Variants in BCORL1 observed in about 807,000 individuals in gnomAD.
The protein encoded by BCORL1 is BCL6 corepressor like 1.
BCORL1 carries 7 observed loss-of-function variants against 87.6 expected under a neutral mutation model. The ratio of observed to expected loss-of-function variants is 0.08; its 90% CI spans 0.05 to 0.15. BCORL1 has a LOEUF of 0.15. BCORL1 is among the 10% of genes least tolerant of loss of function. The pLI is 1.00. For synonymous variants in BCORL1, 591 were observed against 634.4 expected (o/e 0.93, Z 1.03); for missense variants, 1,215 against 1,499.7 (o/e 0.81, Z 3.13).
At chrX:130,024,778 G>T (rs1319672913) in intron 6 of BCORL1, among the ~76,000 whole-genome samples, 2 of 111,598 alleles carry the variant, frequency 1.8e-5, no homozygotes, top group Non-Finnish European at 3.8e-5. Flanking sequence ...CCTCAAAACA[G>T]CCCTGTGAGG....
intron 11 of BCORL1, among the ~76,000 whole-genome samples, chrX:130,050,074 AT>A (rs1203731670): frequency 2.8e-5 from 3 of 108,503 alleles, no homozygotes; most frequent in East Asian, 2.9e-4. Context: ...GCCAGATCAG[AT>A]TTTTTTTTTC....
chrX:130,043,767 TATATATATATATATATA>T (rs1462565084), intron 11 of BCORL1, among the ~76,000 whole-genome samples: 8 of 18,337 alleles, frequency 4.4e-4, no homozygotes, highest in South Asian at 3.9e-3. Flanking sequence ...TATATATATA[TATATATATATATATATA>T]TTTTTTTTTT....
At chrX:130,007,632 C>T (rs1012347940) in intron 2 of BCORL1, among the ~76,000 whole-genome samples, 10 of 111,697 alleles carry the variant, frequency 9.0e-5, no homozygotes. Context: ...CCCGTCTCTA[C>T]TAAAAATACA....
intron 8 of BCORL1, among the ~76,000 whole-genome samples, chrX:130,029,937 A>G (rs1405832347): frequency 9.0e-6 from 1 of 111,625 alleles, no homozygotes; most frequent in Non-Finnish European, 1.9e-5. Context: ...TTACAGGCGG[A>G]AGCCATCACG....
chrX:130,046,825 T>C (rs1460380669), intron 11 of BCORL1, among the ~76,000 whole-genome samples: 1 of 110,655 alleles, frequency 9.0e-6, no homozygotes, highest in Non-Finnish European at 1.9e-5. Flanking sequence ...GGATTACAGG[T>C]GTGAGCCACC....
intron 11 of BCORL1, among the ~76,000 whole-genome samples, chrX:130,050,016 T>A (rs1234995524): frequency 9.0e-6 from 1 of 111,525 alleles, no homozygotes; most frequent in Non-Finnish European, 1.9e-5. Context: ...CGTGTGTCCC[T>A]GTTCCCTCCA....
rs1186630415 is a variant in BCORL1, at chrX:130,011,002, TAAAAAAAAAAAAAAAAAAAA to T, written c.87-1562_87-1543del. Among the ~76,000 whole-genome samples, 18 of 19,096 alleles carry T rather than the reference TAAAAAAAAAAAAAAAAAAAA, an allele frequency of 9.4e-4. No individual in the cohort carries two copies. The East Asian group carries it at 0.011, about 12-fold the overall frequency. The allele number at this position is 19,096 out of a possible 115,157, so 16.6% of individuals were successfully genotyped here. A position where few individuals can be genotyped will look rare whatever the true frequency, so the allele number is the denominator to read the frequency against. ...CTGGGTGACAGAGCGAGATTCAATC[TAAAAAAAAAAAAAAAAAAAA>T]AAAAAAAAAAAAAGAGGGAAAAAAG... On this transcript the variant is annotated intron_variant, in intron 2 of 13. Coordinates refer to ENST00000540052, the MANE Select transcript of BCORL1 (RefSeq NM_001379451.1).
intron 1 of BCORL1, among the ~76,000 whole-genome samples, chrX:129,988,456 C>A (rs536235735): frequency 4.6e-5 from 5 of 108,595 alleles, no homozygotes; most frequent in African/African-American, 1.3e-4. Flanking sequence ...AAAAAAGGAT[C>A]TTTTTTTTAA....
chrX:130,046,888 T>G (rs1931787276), intron 11 of BCORL1, among the ~76,000 whole-genome samples: 1 of 109,211 alleles, frequency 9.2e-6, no homozygotes, highest in Non-Finnish European at 1.9e-5. Context: ...CCCACACCCA[T>G]TAAACAGCTA....
chrX:130,037,277 T>C, intron 9 of BCORL1, 90 bp from the exon 10 acceptor site: 1 of 966,613 alleles, frequency 1.0e-6, no homozygotes, highest in Non-Finnish European at 1.5e-6. Context: ...CTGAGACTCC[T>C]CAGATATTTG....
intron 7 of BCORL1, among the ~76,000 whole-genome samples, chrX:130,025,686 G>A (rs1930205495): frequency 9.0e-6 from 1 of 111,160 alleles, no homozygotes; most frequent in Non-Finnish European, 1.9e-5. Context: ...GGATACCAGG[G>A]AGTTCTCTGG....
rs779182025 is a variant in BCORL1, at chrX:129,993,768, CT to C, written c.-45+11014del. Among the ~76,000 whole-genome samples the C allele has an allele frequency of 6.8e-4, 75 of 111,075 alleles. 3 individuals are homozygous for C. In the East Asian group the frequency reaches 8.1e-3, roughly 12 times the overall value. ...TTCTTGGAATAGATTACGTATGGTC[CT>C]TTTTTTTATTTTTTAATTTTTATTT... On this transcript the variant is annotated intron_variant, in intron 1 of 13. Transcript: ENST00000540052.
chrX:129,986,540 C>T (rs778456180), intron 1 of BCORL1, among the ~76,000 whole-genome samples: 8 of 112,089 alleles, frequency 7.1e-5, no homozygotes, highest in Admixed American at 2.8e-4. Flanking sequence ...AAAAATGGGC[C>T]GGGTGCAGTG....
chrX:129,990,443 G>A (rs1248869140), intron 1 of BCORL1, among the ~76,000 whole-genome samples: 1 of 109,786 alleles, frequency 9.1e-6, no homozygotes, highest in Non-Finnish European at 1.9e-5. Flanking sequence ...GTGTTAGCCA[G>A]GATGGTCTCA....
At chrX:130,012,806 C>T (rs1016980722) in intron 3 of BCORL1, 138 bp downstream of exon 3, 64 of 1,022,851 alleles carry the variant, frequency 6.3e-5, no homozygotes, top group Non-Finnish European at 8.0e-5. Flanking sequence ...TGGTGGGACA[C>T]AAATTGGCTG....
rs767112690 is a variant in BCORL1, at chrX:130,014,924, G to A, written c.2152G>A (p.Val718Met). 9 of 1,209,471 alleles carry A rather than the reference G, an allele frequency of 7.4e-6. No individual in the cohort carries two copies. The highest frequency in any genetic ancestry group is 7.0e-5 in the African/African-American group (4 of 57,000). ...GATCAGCACCATTCCTGGCACCTAC[G>A]TGGGAGTGGCCAACCCAGTGCCTGC... is the stretch of plus-strand genomic sequence containing the variant. ...ALISTIPGTYVGVANPVPASL... is the reference protein window; with the variant it reads ...ALISTIPGTYMGVANPVPASL... The change falls in exon 4 of 14, where the codon GTG becomes ATG. Residue 718 changes from valine (V) to methionine (M), a missense_variant. By Grantham distance (21) the Val-to-Met change is conservative. Coordinates refer to ENST00000540052, the MANE Select transcript of BCORL1 (RefSeq NM_001379451.1).
At chrX:130,005,369 G>C (rs376483067) in intron 2 of BCORL1, 52 bp downstream of exon 2, 6 of 1,056,165 alleles carry the variant, frequency 5.7e-6, no homozygotes, top group Middle Eastern at 2.5e-4. Flanking sequence ...GCAGTACCTC[G>C]TCACCAGAGG....
intron 1 of BCORL1, among the ~76,000 whole-genome samples, chrX:130,000,320 G>A (rs1006454414): frequency 2.7e-5 from 3 of 112,319 alleles, no homozygotes; most frequent in African/African-American, 3.2e-5. Flanking sequence ...TTACAGGTGT[G>A]AGCCACTGTG....
At chrX:130,030,269 G>A (rs533381497) in intron 8 of BCORL1, among the ~76,000 whole-genome samples, 30 of 111,907 alleles carry the variant, frequency 2.7e-4, no homozygotes, top group African/African-American at 9.4e-4. Context: ...GAGGCATAGC[G>A]TGGCAGGGTA....
Sources: allele counts gnomAD v4.1 joint callset (sites outside exome capture counted in the v4.1 genomes callset), GRCh38; gene constraint gnomAD v4.1.1; transcripts MANE v1.5; gene names NCBI Gene and HGNC (gene_info 2026-07-23, HGNC 2026-07-21).